The following SLC28A3 variants were observed in gnomAD, a reference collection of about 807,000 sequenced individuals.
The protein encoded by SLC28A3 is solute carrier family 28 member 3.
SLC28A3 carries 68 observed loss-of-function variants against 84.2 expected under a neutral mutation model. The observed-to-expected ratio is 0.81, with a 90% CI of 0.66 to 0.99. The LOEUF (loss-of-function observed/expected upper bound fraction) is 0.99, where lower values mean the gene tolerates loss of function less well. SLC28A3 is among the 50% of genes least tolerant of loss of function. SLC28A3 has a pLI of 0.00. For synonymous variants in SLC28A3, 267 were observed against 303.6 expected, an observed-to-expected ratio of 0.88 and a Z score of 1.25; for missense variants, 712 against 841.5, an observed-to-expected ratio of 0.85 and a Z score of 1.90.
In SLC28A3 at chr9:84,313,346, A is replaced by G; in HGVS notation, c.156+13T>C. The G allele has an allele frequency of 1.2e-6, 2 of 1,612,934 alleles. No individual in the cohort carries two copies. The highest frequency in any genetic ancestry group is 1.7e-6 in the Non-Finnish European group (2 of 1,179,338). On this transcript the variant is annotated intron_variant, in intron 2 of 17. Transcript: ENST00000376238. Reference sequence around the variant, plus strand: ...CCATGGTACTAGAGTCATGCACCACAGTCTTGCTGTACCTGTTTGGTGTTT... The same window carrying G: ...CCATGGTACTAGAGTCATGCACCACGGTCTTGCTGTACCTGTTTGGTGTTT...
In SLC28A3 at chr9:84,335,462, T is replaced by C. The variant is rs1166849951; in HGVS notation, c.60+5112A>G. ...ACTCAGGAGGCTGAGGTCAAAGGAT[T>C]GCCTGGGCTCAGGAGTTTGAGGCTG... On this transcript the variant is annotated intron_variant, in intron 1 of 17. Coordinates refer to ENST00000376238, the MANE Select transcript of SLC28A3 (RefSeq NM_001199633.2). Among the ~76,000 whole-genome samples, 3 of 152,180 alleles carry C rather than the reference T, an allele frequency of 2.0e-5. No individual in the cohort carries two copies. In the East Asian group the frequency reaches 5.8e-4, roughly 29 times the overall value.
At chr9:84,293,203 G>T (rs1825304501) in intron 9 of SLC28A3, among the ~76,000 whole-genome samples, 1 of 152,148 alleles carries the variant, frequency 6.6e-6, no homozygotes, top group Non-Finnish European at 1.5e-5. Context: ...TTTGTCAAAG[G>T]TCACCCATAT....
At position 84,326,824 on chromosome 9, in the gene SLC28A3, G is replaced by A. The variant is rs936624336; in HGVS notation, c.61-13370C>T. 3.3e-5 allele frequency among the ~76,000 whole-genome samples: 5 copies of A among 151,954 alleles called. No individual in the cohort carries two copies. The East Asian group carries it at 7.7e-4, about 23-fold the overall frequency. ...AGTTTGAGACCAGCCTGGCCAACACGGTGAAATCCCATCTCAACTAAAAAT... is the reference window on the plus strand; with the variant it reads ...AGTTTGAGACCAGCCTGGCCAACACAGTGAAATCCCATCTCAACTAAAAAT... On this transcript the variant is annotated intron_variant, in intron 1 of 17. Coordinates refer to ENST00000376238, the MANE Select transcript of SLC28A3 (RefSeq NM_001199633.2).
chr9:84,361,017 T>C, the SLC28A3 span, among the ~76,000 whole-genome samples: 1 of 152,084 alleles, frequency 6.6e-6, no homozygotes, highest in Admixed American at 6.6e-5. Context: ...GAGCTGATTG[T>C]CAACAATTAA....
the SLC28A3 span, among the ~76,000 whole-genome samples, chr9:84,347,120 A>C: frequency 6.7e-6 from 1 of 148,462 alleles, no homozygotes; most frequent in Non-Finnish European, 1.5e-5. Flanking sequence ...GTTGCAGAAT[A>C]TCTTGAGCCC....
At chr9:84,329,639 T>G (rs1454431795) in intron 1 of SLC28A3, among the ~76,000 whole-genome samples, 2 of 151,780 alleles carry the variant, frequency 1.3e-5, no homozygotes, top group Non-Finnish European at 2.9e-5. Context: ...ATAATTAAAA[T>G]GCAGCCTGGG....
At chr9:84,290,018 T>G in intron 11 of SLC28A3, 136 bp downstream of exon 11, 1 of 1,184,498 alleles carries the variant, frequency 8.4e-7, no homozygotes, top group Non-Finnish European at 1.1e-6. Flanking sequence ...CCAAAGCAAC[T>G]GTGACCAACT....
upstream of SLC28A3, among the ~76,000 whole-genome samples, chr9:84,345,398 G>T (rs975037539): frequency 2.6e-5 from 4 of 152,206 alleles, no homozygotes; most frequent in Admixed American, 1.3e-4. Context: ...CTAGTTGAAG[G>T]TTATGGATGA....
chr9:84,287,101 G>A (rs1024322608), intron 12 of SLC28A3, among the ~76,000 whole-genome samples: 9 of 152,064 alleles, frequency 5.9e-5, no homozygotes, highest in African/African-American at 2.2e-4. Context: ...CTACTCAAGG[G>A]GCTGAGGTGG....
At chr9:84,363,177 G>T in the SLC28A3 span, among the ~76,000 whole-genome samples, 25 of 149,320 alleles carry the variant, frequency 1.7e-4, no homozygotes, top group African/African-American at 6.0e-4. Flanking sequence ...AAATCTACTA[G>T]TATGTAAATA....
At chr9:84,356,567 C>T in the SLC28A3 span, among the ~76,000 whole-genome samples, 1 of 152,172 alleles carries the variant, frequency 6.6e-6, no homozygotes, top group Non-Finnish European at 1.5e-5. Context: ...CAAGGTGGCT[C>T]ACGCTCGTAA....
the SLC28A3 span, among the ~76,000 whole-genome samples, chr9:84,367,565 G>A: frequency 6.6e-6 from 1 of 152,140 alleles, no homozygotes; most frequent in Non-Finnish European, 1.5e-5. Context: ...CAGGGGACCC[G>A]CACACTCAGC....
the SLC28A3 span, among the ~76,000 whole-genome samples, chr9:84,350,397 C>T: frequency 5.3e-5 from 8 of 151,816 alleles, no homozygotes; most frequent in South Asian, 2.1e-4. Context: ...GCCAAGATTG[C>T]GTCATTGCAC....
At chr9:84,368,222 A>G in the SLC28A3 span, among the ~76,000 whole-genome samples, 1 of 152,146 alleles carries the variant, frequency 6.6e-6, no homozygotes, top group African/African-American at 2.4e-5. Context: ...CTGCAAACAT[A>G]TTGTTAACAA....
chr9:84,359,928 A>C, the SLC28A3 span, among the ~76,000 whole-genome samples: 7 of 148,898 alleles, frequency 4.7e-5, no homozygotes, highest in Admixed American at 4.8e-4. Context: ...TTGAGCCAGG[A>C]GAGTGGAGGT....
At chr9:84,296,302 G>T (rs1489938712) in intron 8 of SLC28A3, among the ~76,000 whole-genome samples, 3 of 152,180 alleles carry the variant, frequency 2.0e-5, no homozygotes, top group Admixed American at 1.3e-4. Context: ...TGTATAAACT[G>T]CAGGCTTCTT....
chr9:84,310,638 GA>G, intron 2 of SLC28A3: 1 of 971,544 alleles, frequency 1.0e-6, no homozygotes, highest in Non-Finnish European at 1.2e-6. Flanking sequence ...TGAGATGAAA[GA>G]ATTCTCAAAA....
upstream of SLC28A3, among the ~76,000 whole-genome samples, chr9:84,343,242 T>C (rs1827199624): frequency 1.3e-5 from 2 of 152,024 alleles, no homozygotes; most frequent in South Asian, 4.2e-4. Flanking sequence ...GGGCACAGGG[T>C]TGAGTGGTGA....
chr9:84,299,033 T>C (rs1008813120), intron 6 of SLC28A3, among the ~76,000 whole-genome samples: 1 of 152,186 alleles, frequency 6.6e-6, no homozygotes, highest in Non-Finnish European at 1.5e-5. Flanking sequence ...TTGCTTTTAA[T>C]GGTAAAGTCT....
Sources: gnomAD v4.1 joint callset for allele counts (sites outside exome capture counted in the v4.1 genomes callset) on GRCh38, gnomAD v4.1.1 for gene constraint, MANE v1.5 for transcripts, NCBI Gene and HGNC (gene_info 2026-07-23, HGNC 2026-07-21) for gene names.